The following CFAP58 variants were observed in gnomAD, a reference collection of about 807,000 sequenced individuals.
The protein encoded by CFAP58 is cilia and flagella associated protein 58, also known as cilia- and flagella-associated protein 58.
CFAP58 carries 88 observed loss-of-function variants against 119.5 expected under a neutral mutation model. The ratio of observed to expected loss-of-function variants is 0.74; its 90% confidence interval spans 0.62 to 0.88. CFAP58 has a LOEUF of 0.88. Ranked by LOEUF, CFAP58 falls within the 40% of genes least tolerant of loss-of-function variation. CFAP58 has a pLI of 0.00. For synonymous variants in CFAP58, 365 were observed against 366.3 expected (o/e 1.00, Z 0.04); for missense variants, 990 against 1,021.2 (o/e 0.97, Z 0.42).
chr10:104,408,841 A>G (rs947366601), intron 15 of CFAP58, among the ~76,000 whole-genome samples: 1 of 152,126 alleles, frequency 6.6e-6, no homozygotes, highest in Non-Finnish European at 1.5e-5. Context: ...GATCATGCCT[A>G]TAATCCCAGC....
intron 15 of CFAP58, among the ~76,000 whole-genome samples, chr10:104,425,357 T>C (rs1473977036): frequency 3.3e-5 from 5 of 152,166 alleles, no homozygotes; most frequent in Non-Finnish European, 7.3e-5. Context: ...CAGGAAGATA[T>C]AGCTGGCTAT....
chr10:104,386,316 G>A (rs1453245122), intron 9 of CFAP58, among the ~76,000 whole-genome samples: 2 of 150,836 alleles, frequency 1.3e-5, no homozygotes, highest in East Asian at 3.9e-4. Flanking sequence ...AGGTGAGGTT[G>A]CAGTGAGCTG....
At chr10:104,415,268 G>A (rs2012531946) in intron 15 of CFAP58, among the ~76,000 whole-genome samples, 1 of 152,178 alleles carries the variant, frequency 6.6e-6, no homozygotes, top group East Asian at 1.9e-4. Context: ...GAGCAGGAAA[G>A]TGAGATGGGG....
rs1179802026 is a variant in CFAP58, at chr10:104,357,868, CACATATATGTACACATATATAA to C, written c.10-453_10-432del. On this transcript the variant is annotated intron_variant, in intron 1 of 17. Transcript: ENST00000369704. ...ATGTACACATATATACACATATATACACATATATGTACACATATATAAACATATATGTACACATATACACACA... is the reference window on the plus strand; with the variant it reads ...ATGTACACATATATACACATATATACACATATATGTACACATATACACACA... 2.8e-3 allele frequency among the ~76,000 whole-genome samples: 317 copies of C among 115,264 alleles called. 10 individuals are homozygous for C. The highest frequency in any genetic ancestry group is 3.4e-3 in the African/African-American group (93 of 27,316). 75.6% of individuals were successfully genotyped at this position (115,264 alleles called of 152,430 possible). A position where few individuals can be genotyped will look rare whatever the true frequency, so the allele number is the denominator to read the frequency against.
At chr10:104,445,334 A>AAAC (rs1415058821) in intron 15 of CFAP58, among the ~76,000 whole-genome samples, 5 of 150,872 alleles carry the variant, frequency 3.3e-5, no homozygotes, top group Admixed American at 6.6e-5. Context: ...AAAAAAAAAA[A>AAAC]AACAACAACA....
rs763245295 is a variant in CFAP58, at chr10:104,368,574, TA to T, written c.930+15del. On this transcript the variant is annotated intron_variant, in intron 6 of 17. Transcript: ENST00000369704. ...TTGGAGCTCAAAGTAAACACCAAGT[TA>T]CATGTCTGTTCCCTAGCTCTTTCTT... is the stretch of plus-strand genomic sequence containing the variant. 16 of 1,613,388 alleles carry T rather than the reference TA, an allele frequency of 9.9e-6. No homozygotes were observed. In the African/African-American group the frequency reaches 2.1e-4, roughly 22 times the overall value.
chr10:104,425,294 A>G (rs1409296410), intron 15 of CFAP58, among the ~76,000 whole-genome samples: 1 of 152,220 alleles, frequency 6.6e-6, no homozygotes, highest in African/African-American at 2.4e-5. Flanking sequence ...TGAAGAGTCA[A>G]TGTTCTGAGG....
At position 104,357,921 on chromosome 10, in the gene CFAP58, GTA is replaced by G. The variant is rs1157929096; in HGVS notation, c.10-419_10-418del. Among the ~76,000 whole-genome samples, 276 of 105,504 alleles carry G rather than the reference GTA, an allele frequency of 2.6e-3. 10 individuals are homozygous for G. Among genetic ancestry groups the G allele is most frequent in the Admixed American group, 3.9e-3 (45 of 11,614 alleles). The allele number at this position is 105,504 out of a possible 152,430, so 69.2% of individuals were successfully genotyped here. ...TATGTACACATATACACACATATAT[GTA>G]CACATATACACACATATATGTACAC... is the stretch of plus-strand genomic sequence containing the variant. On this transcript the variant is annotated intron_variant, in intron 1 of 17. Coordinates refer to ENST00000369704, the MANE Select transcript of CFAP58 (RefSeq NM_001008723.2).
intron 1 of CFAP58, among the ~76,000 whole-genome samples, chr10:104,358,102 CAT>C (rs1554912831): frequency 6.8e-6 from 1 of 146,328 alleles, no homozygotes; most frequent in African/African-American, 2.6e-5. Context: ...TATATATGTA[CAT>C]ATATACACAT....
At chr10:104,353,808 G>C, upstream of CFAP58, 2 of 1,491,530 alleles carry the variant, frequency 1.3e-6, no homozygotes, top group Non-Finnish European at 1.8e-6. Flanking sequence ...TAGAGACAGC[G>C]CGTCGCGCCT....
At chr10:104,366,473 A>G (rs1443143467) in intron 5 of CFAP58, among the ~76,000 whole-genome samples, 1 of 152,166 alleles carries the variant, frequency 6.6e-6, no homozygotes, top group African/African-American at 2.4e-5. Flanking sequence ...TTTATACTTT[A>G]CAGAAATAAA....
chr10:104,371,730 TTCCA>T (rs1189313864), intron 7 of CFAP58, among the ~76,000 whole-genome samples: 47 of 152,304 alleles, frequency 3.1e-4, no homozygotes, highest in African/African-American at 1.1e-3. Flanking sequence ...GCTAATTACA[TTCCA>T]TCCATCATCA....
At position 104,406,720 on chromosome 10, in the gene CFAP58, A is replaced by C. The variant is rs2012367296; in HGVS notation, c.2183A>C (p.Gln728Pro). Reference protein sequence around the residue: ...ASDPNAYELIQKIHTLQKRLI... With the variant: ...ASDPNAYELIPKIHTLQKRLI... ...GACCCCAATGCATATGAGCTGATAC[A>C]GAAAATTCACACCCTGCAGAAGCGT... The change falls in exon 15 of 18, where the codon CAG (glutamine) becomes CCG (proline). Residue 728 changes from glutamine to proline, a missense_variant. By Grantham distance (76) the Gln-to-Pro change is moderately conservative. Coordinates refer to ENST00000369704, the MANE Select transcript of CFAP58 (RefSeq NM_001008723.2). The C allele has an allele frequency of 6.2e-7, 1 of 1,614,104 alleles. No homozygotes were observed. Among genetic ancestry groups the C allele is most frequent in the East Asian group, 2.2e-5 (1 of 44,898 alleles).
chr10:104,362,221 T>C, intron 3 of CFAP58, 50 bp downstream of exon 3: 2 of 1,524,010 alleles, frequency 1.3e-6, no homozygotes, highest in Middle Eastern at 1.8e-4. Context: ...TGCAGAGGTC[T>C]CCTTCAGTAG....
At position 104,454,486 on chromosome 10, in the gene CFAP58, A is replaced by G; in HGVS notation, c.2575A>G (p.Thr859Ala). Residue 859 changes from threonine to alanine, a missense_variant, in exon 18 of 18, where the codon ACT becomes GCT. Thr to Ala is a moderately conservative substitution (Grantham distance 58). Coordinates refer to ENST00000369704, the MANE Select transcript of CFAP58 (RefSeq NM_001008723.2). The part of the protein sequence containing the change: ...LMVKPNGPGF[T>A]GGGFPLRSTK... ...GGTCAAACCAAATGGTCCTGGTTTT[A>G]CTGGGGGCGGATTTCCTCTCAGGTC... 1 of 1,613,956 alleles carries G rather than the reference A, an allele frequency of 6.2e-7. No individual in the cohort carries two copies. Among genetic ancestry groups the G allele is most frequent in the Non-Finnish European group, 8.5e-7 (1 of 1,179,848 alleles).
chr10:104,380,981 C>A (rs1285965110), intron 9 of CFAP58, among the ~76,000 whole-genome samples: 4 of 152,096 alleles, frequency 2.6e-5, no homozygotes, highest in Non-Finnish European at 4.4e-5. Context: ...GAAACCCTGT[C>A]TCTACAAAAA....
At chr10:104,342,273 A>G in the CFAP58 span, among the ~76,000 whole-genome samples, 1 of 152,106 alleles carries the variant, frequency 6.6e-6, no homozygotes, top group Non-Finnish European at 1.5e-5. Flanking sequence ...GCTATTTTCT[A>G]TTATAACTTT....
chr10:104,349,289 A>T (rs1340516728), upstream of CFAP58, among the ~76,000 whole-genome samples: 1 of 151,804 alleles, frequency 6.6e-6, no homozygotes, highest in Non-Finnish European at 1.5e-5. Context: ...AAACAAAACA[A>T]ACAAAAAAAT....
At chr10:104,346,614 T>A in the CFAP58 span, among the ~76,000 whole-genome samples, 1 of 147,988 alleles carries the variant, frequency 6.8e-6, no homozygotes, top group Non-Finnish European at 1.5e-5. Context: ...TGGGAATAGG[T>A]TGTATGGAGC....
Sources: allele counts gnomAD v4.1 joint callset (sites outside exome capture counted in the v4.1 genomes callset), GRCh38; gene constraint gnomAD v4.1.1; transcripts MANE v1.5; gene names NCBI Gene and HGNC (gene_info 2026-07-23, HGNC 2026-07-21).